ERI1: variants seen among roughly 807,000 people sequenced by gnomAD.
The protein encoded by ERI1 is exoribonuclease 1.
In ERI1, 39 loss-of-function variants were observed where a neutral mutation model predicts 39.7. That is an observed-to-expected ratio of 0.98 (90% CI 0.76 to 1.28). The LOEUF (loss-of-function observed/expected upper bound fraction) is 1.28. ERI1 is among the 50% of genes most tolerant of loss of function. ERI1 has a pLI of 0.00. For synonymous variants in ERI1, 204 were observed against 149.6 expected (o/e 1.36, Z -2.65); for missense variants, 581 against 416.9 (o/e 1.39, Z -3.43).
chr8:9,077,396 A>G (rs79358266), intron 3 of ERI1, among the ~76,000 whole-genome samples: 21,727 of 152,172 alleles, frequency 0.14, 1,724 homozygotes, highest in Middle Eastern at 0.2. Context: ...CTGACAATAG[A>G]CAGGTTAACA....
At chr8:9,038,609 TAGCTG>T (rs1797924927) in intron 3 of ERI1, among the ~76,000 whole-genome samples, 1 of 152,112 alleles carries the variant, frequency 6.6e-6, no homozygotes, top group African/African-American at 2.4e-5. Flanking sequence ...ATTCAAAACT[TAGCTG>T]GGCGTGGTGG....
At position 9,011,700 on chromosome 8, in the gene ERI1, A is replaced by C; in HGVS notation, c.446A>C (p.His149Pro). The C allele has an allele frequency of 6.2e-7, 1 of 1,612,442 alleles. No individual in the cohort carries two copies. The highest frequency in any genetic ancestry group is 8.5e-7 in the Non-Finnish European group (1 of 1,178,990). The change falls in exon 3 of 7, where the codon CAT (histidine) becomes CCT (proline). Residue 149 changes from histidine to proline, a missense_variant. Physicochemically the swap from His to Pro is moderately conservative, Grantham distance 77. Transcript: ENST00000250263. The part of the protein sequence containing the change: ...CEEGNPPEFV[H>P]EIIEFPVVLL... ...GAAGGAAACCCACCTGAGTTTGTAC[A>C]TGAAATAATTGAATTTCCGGTTGTT...
chr8:9,005,515 T>G (rs756411014), intron 1 of ERI1, among the ~76,000 whole-genome samples: 23 of 122,096 alleles, frequency 1.9e-4, no homozygotes, highest in Non-Finnish European at 2.4e-4. Context: ...TTTTTTTATG[T>G]TTTTTTTTTT....
chr8:9,061,788 T>A (rs1798705321), intron 3 of ERI1, among the ~76,000 whole-genome samples: 1 of 150,710 alleles, frequency 6.6e-6, no homozygotes, highest in Non-Finnish European at 1.5e-5. Flanking sequence ...ACTGAAGTAA[T>A]GGGTGCTGTC....
intron 4 of ERI1, among the ~76,000 whole-genome samples, chr8:9,017,742 G>C (rs188024705): frequency 3.3e-4 from 50 of 152,272 alleles, no homozygotes; most frequent in African/African-American, 1.2e-3. Context: ...TGTATGGACT[G>C]TTAAGAAAAT....
intron 3 of ERI1, among the ~76,000 whole-genome samples, chr8:9,076,229 C>T (rs1006328239): frequency 3.3e-5 from 5 of 152,144 alleles, no homozygotes; most frequent in Non-Finnish European, 7.3e-5. Context: ...CAGGTGTGAG[C>T]CACTGTGCCC....
At position 9,008,000 on chromosome 8, in the gene ERI1, G is replaced by A. The variant is rs757317981; in HGVS notation, c.139G>A (p.Glu47Lys). 1.9e-6 allele frequency: 3 copies of A among 1,561,560 alleles called. No homozygotes were observed. In the South Asian group the frequency reaches 3.4e-5, roughly 18 times the overall value. ...TCAACAGTGTAAATTTGATGGCCAG[G>A]AGACAAAAGGATCCAAGTTCATTAC... ...ETQQCKFDGQ[E>K]TKGSKFITSS... Residue 47 changes from glutamate to lysine, a missense_variant, in exon 2 of 7, where the codon GAG becomes AAG. Coordinates refer to ENST00000250263, the MANE Select transcript of ERI1 (RefSeq NM_153332.4).
At chr8:9,040,329 C>T (rs888041979) in intron 3 of ERI1, among the ~76,000 whole-genome samples, 2 of 152,160 alleles carry the variant, frequency 1.3e-5, no homozygotes, top group Admixed American at 6.5e-5. Flanking sequence ...AAGTTTAGAA[C>T]GGGGAAAGTC....
chr8:9,064,898 C>T (rs56109025), intron 3 of ERI1, among the ~76,000 whole-genome samples: 32,981 of 151,710 alleles, frequency 0.22, 4,164 homozygotes, highest in Non-Finnish European at 0.3. Flanking sequence ...AGAGAGTCAG[C>T]GAAGGGAGAC....
At chr8:9,006,475 G>T (rs1037370014) in intron 1 of ERI1, among the ~76,000 whole-genome samples, 2 of 152,186 alleles carry the variant, frequency 1.3e-5, no homozygotes, top group Non-Finnish European at 2.9e-5. Flanking sequence ...TGAGACATCT[G>T]TTTTGGTAGA....
At chr8:9,025,275 A>C (rs1563331533) in intron 6 of ERI1, among the ~76,000 whole-genome samples, 1 of 152,188 alleles carries the variant, frequency 6.6e-6, no homozygotes, top group Non-Finnish European at 1.5e-5. Flanking sequence ...TATCAAGCCC[A>C]AGCAAAAGGT....
chr8:9,045,469 G>T (rs1312581053), intron 3 of ERI1, among the ~76,000 whole-genome samples: 1 of 151,668 alleles, frequency 6.6e-6, no homozygotes, highest in Non-Finnish European at 1.5e-5. Context: ...AACATTCATG[G>T]ATACCAAAAA....
intron 3 of ERI1, among the ~76,000 whole-genome samples, chr8:9,055,212 C>T (rs1563361053): frequency 6.6e-6 from 1 of 152,114 alleles, no homozygotes. Flanking sequence ...TTAGTGTTTG[C>T]GTTATTTGAA....
chr8:9,013,019 C>T (rs988860981), intron 3 of ERI1, among the ~76,000 whole-genome samples: 1 of 121,886 alleles, frequency 8.2e-6, no homozygotes, highest in Admixed American at 7.4e-5. Flanking sequence ...TGACCATTCT[C>T]ACTTTTTTTT....
rs1818135229 is a variant in ERI1 at position 9,023,458 on chromosome 8, T to G, written c.807+2994T>G. 1.3e-5 allele frequency among the ~76,000 whole-genome samples: 2 copies of G among 152,140 alleles called. 1 individual carries two copies. The highest frequency in any genetic ancestry group is 4.1e-4 in the South Asian group (2 of 4,832). On this transcript the variant is annotated intron_variant, in intron 6 of 6. Coordinates refer to ENST00000250263, the MANE Select transcript of ERI1 (RefSeq NM_153332.4). ...AGTCAGTTATGCATAAATCTACAGCTCACAGTATATTAGTGTAATCGGAAA... is the reference window on the plus strand; with the variant it reads ...AGTCAGTTATGCATAAATCTACAGCGCACAGTATATTAGTGTAATCGGAAA...
intron 4 of ERI1, 129 bp from the exon 5 acceptor site, chr8:9,018,168 G>A (rs1203817680): frequency 1.9e-5 from 10 of 524,136 alleles, no homozygotes; most frequent in Non-Finnish European, 3.1e-5. Flanking sequence ...CTAAGCCAAG[G>A]AAACCATGAA....
chr8:9,098,774 T>C (rs1034120434), intron 3 of ERI1, among the ~76,000 whole-genome samples: 3 of 152,110 alleles, frequency 2.0e-5, no homozygotes, highest in East Asian at 1.9e-4. Flanking sequence ...AACAGCCTTA[T>C]TGAGGTATAA....
At chr8:9,075,708 A>G (rs1477870446) in intron 3 of ERI1, among the ~76,000 whole-genome samples, 1 of 152,214 alleles carries the variant, frequency 6.6e-6, no homozygotes, top group Non-Finnish European at 1.5e-5. Flanking sequence ...AGGGAAAATG[A>G]ACATGAACTG....
At chr8:9,066,876 G>A (rs1042331201) in intron 3 of ERI1, among the ~76,000 whole-genome samples, 1 of 152,056 alleles carries the variant, frequency 6.6e-6, no homozygotes, top group African/African-American at 2.4e-5. Flanking sequence ...TGTTCTCAGT[G>A]GCCTCAGCTG....
Sources: gnomAD v4.1 joint callset for allele counts (sites outside exome capture counted in the v4.1 genomes callset) on GRCh38, gnomAD v4.1.1 for gene constraint, MANE v1.5 for transcripts, NCBI Gene and HGNC (gene_info 2026-07-23, HGNC 2026-07-21) for gene names.